The following KCND2 variants were observed in gnomAD, a reference collection of about 807,000 sequenced individuals.
KCND2 encodes the protein A-type voltage-gated potassium channel KCND2.
In KCND2, 16 loss-of-function variants were observed where a neutral mutation model predicts 54.4. That is an observed-to-expected ratio of 0.29 (90% CI 0.20 to 0.45). The LOEUF is 0.45. Among genes scored for constraint, KCND2 ranks in the 20% least tolerant of loss-of-function variants. KCND2 has a pLI of 1.00. For missense variants in KCND2, 486 were observed against 824.2 expected (o/e 0.59, Z 5.02); for synonymous variants, 317 against 310.7 (o/e 1.02, Z -0.21).
intron 1 of KCND2, among the ~76,000 whole-genome samples, chr7:120,276,587 G>T (rs989503342): frequency 1.8e-4 from 27 of 152,178 alleles, no homozygotes; most frequent in African/African-American, 6.3e-4. Context: ...AAAATTTGGG[G>T]TCCTAATTTC....
At chr7:120,387,228 A>G (rs1801002502) in intron 1 of KCND2, among the ~76,000 whole-genome samples, 1 of 152,046 alleles carries the variant, frequency 6.6e-6, no homozygotes, top group African/African-American at 2.4e-5. Context: ...GTGAATGAAT[A>G]TGCATATGAT....
At chr7:120,469,531 T>A (rs758175242) in intron 1 of KCND2, among the ~76,000 whole-genome samples, 11 of 152,078 alleles carry the variant, frequency 7.2e-5, no homozygotes, top group Non-Finnish European at 1.3e-4. Flanking sequence ...GAAATCAGCA[T>A]TAGTCAATGC....
chr7:120,388,890 G>A (rs111584591), intron 1 of KCND2, among the ~76,000 whole-genome samples: 5 of 146,318 alleles, frequency 3.4e-5, no homozygotes, highest in East Asian at 2.0e-4. Context: ...ATATATACAT[G>A]TATATATATA....
chr7:120,592,018 A>G (rs182817818), intron 1 of KCND2, among the ~76,000 whole-genome samples: 4 of 152,304 alleles, frequency 2.6e-5, no homozygotes, highest in African/African-American at 4.8e-5. Flanking sequence ...AATGTAATGA[A>G]AAAAGCTTTA....
intron 1 of KCND2, among the ~76,000 whole-genome samples, chr7:120,696,465 A>C (rs1792333585): frequency 6.6e-6 from 1 of 152,208 alleles, no homozygotes; most frequent in South Asian, 2.1e-4. Context: ...GCCATGTTAC[A>C]AAACTGTGTG....
chr7:120,536,241 T>C (rs997519572), intron 1 of KCND2, among the ~76,000 whole-genome samples: 11 of 152,130 alleles, frequency 7.2e-5, no homozygotes, highest in Admixed American at 7.2e-4. Flanking sequence ...TATACCTTAA[T>C]TAAAAAAATA....
intron 1 of KCND2, among the ~76,000 whole-genome samples, chr7:120,727,346 T>C (rs796794104): frequency 5.3e-5 from 8 of 152,314 alleles, no homozygotes; most frequent in African/African-American, 1.9e-4. Context: ...TTACAATGAA[T>C]TATGTTTTAA....
intron 1 of KCND2, among the ~76,000 whole-genome samples, chr7:120,479,502 A>G (rs1455054896): frequency 1.3e-5 from 2 of 151,806 alleles, no homozygotes; most frequent in Non-Finnish European, 2.9e-5. Context: ...AAATTGGCTT[A>G]ATATTTTAAA....
intron 1 of KCND2, among the ~76,000 whole-genome samples, chr7:120,608,159 A>C (rs1453110609): frequency 6.6e-6 from 1 of 152,132 alleles, no homozygotes; most frequent in African/African-American, 2.4e-5. Context: ...TAATCCAACA[A>C]CAGGATAAAT....
At chr7:120,674,567 T>C (rs951548701) in intron 1 of KCND2, among the ~76,000 whole-genome samples, 7 of 152,238 alleles carry the variant, frequency 4.6e-5, no homozygotes, top group African/African-American at 1.4e-4. Flanking sequence ...AAGCCATTAG[T>C]AGACACAGCT....
intron 1 of KCND2, among the ~76,000 whole-genome samples, chr7:120,371,814 A>G (rs570820209): frequency 2.6e-5 from 4 of 152,118 alleles, no homozygotes; most frequent in Non-Finnish European, 4.4e-5. Flanking sequence ...GCTATACCAT[A>G]CAGCCTAGGT....
rs190496319 is a variant in KCND2, at chr7:120,674,825, G to A, written c.1116-58078G>A. 2.0e-3 allele frequency among the ~76,000 whole-genome samples: 306 copies of A among 152,298 alleles called. 1 individual carries two copies. The highest frequency in any genetic ancestry group is 6.8e-3 in the Middle Eastern group (2 of 294). Reference sequence around the variant, plus strand: ...ATTACTTATATTCTACCAGGTGAGTGTGTGTTGGAGGGGAAGAGTTCTTCT... The same window carrying A: ...ATTACTTATATTCTACCAGGTGAGTATGTGTTGGAGGGGAAGAGTTCTTCT... On this transcript the variant is annotated intron_variant, in intron 1 of 5. Transcript: ENST00000331113.
At chr7:120,357,012 TC>T (rs1398051118) in intron 1 of KCND2, among the ~76,000 whole-genome samples, 1 of 152,152 alleles carries the variant, frequency 6.6e-6, no homozygotes, top group Non-Finnish European at 1.5e-5. Flanking sequence ...CCTTTTGTTT[TC>T]CCATAGTAAG....
At chr7:120,629,441 G>C (rs1459082239) in intron 1 of KCND2, among the ~76,000 whole-genome samples, 4 of 152,162 alleles carry the variant, frequency 2.6e-5, no homozygotes, top group African/African-American at 7.2e-5. Context: ...AGCCGAGATG[G>C]TGCCACTGCA....
chr7:120,380,985 T>C (rs1280605867), intron 1 of KCND2, among the ~76,000 whole-genome samples: 1 of 152,002 alleles, frequency 6.6e-6, no homozygotes, highest in Admixed American at 6.6e-5. Context: ...TTTAAAGAAA[T>C]TTTTTTACAG....
chr7:120,598,647 A>C (rs1010308408), intron 1 of KCND2, among the ~76,000 whole-genome samples: 5 of 151,502 alleles, frequency 3.3e-5, no homozygotes, highest in Non-Finnish European at 5.9e-5. Flanking sequence ...CAGATTTTTC[A>C]CTCATTTTAA....
intron 1 of KCND2, among the ~76,000 whole-genome samples, chr7:120,363,830 T>C (rs551983316): frequency 1.3e-5 from 2 of 152,266 alleles, no homozygotes; most frequent in East Asian, 1.9e-4. Context: ...TCTGTTCCTC[T>C]GATAGATCTC....
chr7:120,666,493 T>C (rs186461027), intron 1 of KCND2, among the ~76,000 whole-genome samples: 67 of 152,094 alleles, frequency 4.4e-4, no homozygotes, highest in African/African-American at 1.6e-3. Flanking sequence ...GGAATGTAAA[T>C]GATACTTTAG....
intron 1 of KCND2, among the ~76,000 whole-genome samples, chr7:120,532,724 G>GA (rs1239320535): frequency 3.3e-5 from 5 of 151,682 alleles, no homozygotes; most frequent in Admixed American, 1.3e-4. Context: ...AATCAGTTAT[G>GA]AAAATAAACA....
Sources: gnomAD v4.1 joint callset for allele counts (sites outside exome capture counted in the v4.1 genomes callset) on GRCh38, gnomAD v4.1.1 for gene constraint, MANE v1.5 for transcripts, NCBI Gene and HGNC (gene_info 2026-07-23, HGNC 2026-07-21) for gene names.